The following GPRIN1 variants were observed in gnomAD, a reference collection of about 807,000 sequenced individuals.
GPRIN1 encodes the protein G protein regulated inducer of neurite outgrowth 1.
In GPRIN1, 4 loss-of-function variants were observed where a neutral mutation model predicts 2.8. That is an observed-to-expected ratio of 1.45 (90% confidence interval 0.71 to 3.32). The LOEUF (loss-of-function observed/expected upper bound fraction) is 3.32. GPRIN1 is among the 30% of genes most tolerant of loss of function. The probability of loss-of-function intolerance (pLI) is 0.01; values close to 1 mark genes in which losing one functional copy is unlikely to be tolerated. For missense variants in GPRIN1, 1,322 were observed against 1,343.4 expected, an observed-to-expected ratio of 0.98 and a Z score of 0.25; for synonymous variants, 589 against 589.9, an observed-to-expected ratio of 1.00 and a Z score of 0.02.
In GPRIN1 at chr5:176,598,264, G is replaced by A. The variant is rs765465765; in HGVS notation, c.1571C>T (p.Ser524Leu). 2 of 1,613,154 alleles carry A rather than the reference G, an allele frequency of 1.2e-6. No individual in the cohort carries two copies. Among genetic ancestry groups the A allele is most frequent in the Non-Finnish European group, 1.7e-6 (2 of 1,179,798 alleles). The change falls in exon 2 of 2, where the codon TCG becomes TTG. Residue 524 changes from serine to leucine, a missense_variant. Ser to Leu is a moderately radical substitution (Grantham distance 145). Around this residue, in one of 3 missense-constraint regions of GPRIN1, gnomAD observed 1,117 missense variants for 1,128.6 expected, o/e 0.99. Transcript: ENST00000303991. ...AGAGGCCACCAGACCTGCCTTCTCC[G>A]AGGACAGGGGATCTCCTTTTCCCCC... Reference protein sequence around the residue: ...ATGGKGDPLSSEKAGLVASGK... With the variant: ...ATGGKGDPLSLEKAGLVASGK...
At position 176,597,228 on chromosome 5, in the gene GPRIN1, G is replaced by A. The variant is rs1466021566; in HGVS notation, c.2607C>T (p.Arg869=). 4 of 1,257,668 alleles carry A rather than the reference G, an allele frequency of 3.2e-6. No homozygotes were observed. Among genetic ancestry groups the A allele is most frequent in the Non-Finnish European group, 4.0e-6 (4 of 1,002,606 alleles). The allele number at this position is 1,257,668 out of a possible 1,614,324, so 77.9% of individuals were successfully genotyped here. A position where few individuals can be genotyped will look rare whatever the true frequency, so the allele number is the denominator to read the frequency against. The change falls in exon 2 of 2, where the codon CGC becomes CGT. Residue 869 remains arginine, a synonymous_variant. Transcript: ENST00000303991. This position sits in a 1 kb window ranked among gnomAD's most constrained non-coding sequence, Gnocchi z 6.1. ...LQVSLGAAET[R]SVATGPMTPQ... is the part of the protein sequence containing the mutation. ...GTGTCATGGGCCCAGTGGCCACGGA[G>A]CGCGTCTCGGCGGCGCCCAGCGACA...
Position 176,596,943 on chromosome 5 carries a change from G to A in GPRIN1, c.2892C>T (p.Gly964=), listed in dbSNP as rs1207184253. 2.4e-6 allele frequency: 3 copies of A among 1,252,098 alleles called. No homozygotes were observed. Among genetic ancestry groups the A allele is most frequent in the African/African-American group, 1.6e-5 (1 of 64,246 alleles). 77.6% of individuals were successfully genotyped at this position (1,252,098 alleles called of 1,614,324 possible). A position where few individuals can be genotyped will look rare whatever the true frequency, so the allele number is the denominator to read the frequency against. Residue 964 remains glycine, a synonymous_variant, in exon 2 of 2, where the codon GGC becomes GGT. Transcript: ENST00000303991. This position sits in a 1 kb window ranked among gnomAD's most constrained non-coding sequence, Gnocchi z 5.2. ...TGCGCACCGAGCCCGAACGGCCGGGGCCGGCACGGGCGGCGGGCGGCGGCG... is the reference window on the plus strand; with the variant it reads ...TGCGCACCGAGCCCGAACGGCCGGGACCGGCACGGGCGGCGGGCGGCGGCG... ...APAPPPAARA[G]PGRSGSVRTA...
chr5:176,602,772 C>T lies in GPRIN1; in HGVS notation c.-43-2895G>A, dbSNP rs535307642. ...AAGACGGGGAGGCAGGTTCTGTGAA[C>T]TGTGGGACAACCACGCAGAGCACCG... On this transcript the variant is annotated intron_variant, in intron 1 of 1. Coordinates refer to ENST00000303991, the MANE Select transcript of GPRIN1 (RefSeq NM_052899.3). This position sits in a 1 kb window ranked among gnomAD's most constrained non-coding sequence, Gnocchi z 4.4. Among the ~76,000 whole-genome samples the T allele has an allele frequency of 4.6e-5, 7 of 152,218 alleles. No homozygotes were observed. The highest frequency in any genetic ancestry group is 1.4e-4 in the African/African-American group (6 of 41,526).
chr5:176,598,205 C>T lies in GPRIN1; in HGVS notation c.1630G>A (p.Glu544Lys), dbSNP rs528434134. 14 of 1,612,572 alleles carry T rather than the reference C, an allele frequency of 8.7e-6. No individual in the cohort carries two copies. Among genetic ancestry groups the T allele is most frequent in the Admixed American group, 3.3e-5 (2 of 60,016 alleles). ...KAAPTASGKA[E>K]PLAVGKEDPV... ...TCCTCCTTGCCCACCGCGAGGGGCT[C>T]GGCCTTCCCTGAGGCTGTGGGAGCC... The change falls in exon 2 of 2, where the codon GAG becomes AAG. Residue 544 changes from glutamate to lysine, a missense_variant. Around this residue, in one of 3 missense-constraint regions of GPRIN1, gnomAD observed 1,117 missense variants for 1,128.6 expected, o/e 0.99. Coordinates refer to ENST00000303991, the MANE Select transcript of GPRIN1 (RefSeq NM_052899.3).
Position 176,597,068 on chromosome 5 carries a change from C to T in GPRIN1, c.2767G>A (p.Glu923Lys). The stretch of plus-strand genomic sequence containing the variant: ...ACCTCCATGGCGGCGCCGTATACCT[C>T]CCACGTCATGCCCTTCTCGTCCCAG... ...VSWDEKGMTW[E>K]VYGAAMEVEV... Residue 923 changes from glutamate (E) to lysine (K), a missense_variant, in exon 2 of 2, where the codon GAG becomes AAG. This residue lies in a region of GPRIN1 where 196 missense variants were observed against 189.2 expected (regional missense o/e 1.04). Transcript: ENST00000303991. The surrounding 1 kb of genome is among the most constrained non-coding windows in gnomAD (Gnocchi z 6.1). The T allele has an allele frequency of 6.6e-7, 1 of 1,512,322 alleles. No individual in the cohort carries two copies. The highest frequency in any genetic ancestry group is 8.9e-7 in the Non-Finnish European group (1 of 1,128,542). 93.7% of individuals were successfully genotyped at this position (1,512,322 alleles called of 1,614,324 possible). A position where few individuals can be genotyped will look rare whatever the true frequency, so the allele number is the denominator to read the frequency against.
chr5:176,606,609 C>A (rs1421289840), intron 1 of GPRIN1, among the ~76,000 whole-genome samples: 1 of 152,196 alleles, frequency 6.6e-6, no homozygotes, highest in Non-Finnish European at 1.5e-5. Flanking sequence ...ACAATCCCCC[C>A]TCTTCCCCAC....
At chr5:176,608,105 G>C (rs1474033990) in intron 1 of GPRIN1, among the ~76,000 whole-genome samples, 2 of 151,734 alleles carry the variant, frequency 1.3e-5, no homozygotes, top group Non-Finnish European at 2.9e-5. Context: ...TTTTTGTAGA[G>C]ATGGGGGTCT....
chr5:176,609,898 G>T, intron 1 of GPRIN1, 101 bp downstream of exon 1: 1 of 151,336 alleles, frequency 6.6e-6, no homozygotes, highest in Non-Finnish European at 1.5e-5. Context: ...CCGCCGGGGG[G>T]CTTCGAGGAC....
chr5:176,599,875 G>A lies in GPRIN1; in HGVS notation c.-41C>T. The A allele has an allele frequency of 7.3e-7, 1 of 1,376,110 alleles. No individual in the cohort carries two copies. Among genetic ancestry groups the A allele is most frequent in the Non-Finnish European group, 9.4e-7 (1 of 1,059,014 alleles). The allele number at this position is 1,376,110 out of a possible 1,614,324, so 85.2% of individuals were successfully genotyped here. A position where few individuals can be genotyped will look rare whatever the true frequency, so the allele number is the denominator to read the frequency against. ...CGCCTGCACCCAAGGCTGCTGTCTG[G>A]TTCTGAAACAGAGAGAGAGCTGACT... On this transcript the variant is annotated splice_region_variant and 5_prime_UTR_variant, in exon 2 of 2. Coordinates refer to ENST00000303991, the MANE Select transcript of GPRIN1 (RefSeq NM_052899.3).
chr5:176,596,751 TG>T lies in GPRIN1; in HGVS notation c.*56del. ...AGAGGGGACCCCTTCTAGGGGCCTGTGATCAAGAAGGGAGCCTGAGAAGGTC... is the reference window on the plus strand; with the variant it reads ...AGAGGGGACCCCTTCTAGGGGCCTGTATCAAGAAGGGAGCCTGAGAAGGTC... On this transcript the variant is annotated 3_prime_UTR_variant, in exon 2 of 2. Coordinates refer to ENST00000303991, the MANE Select transcript of GPRIN1 (RefSeq NM_052899.3). This position sits in a 1 kb window ranked among gnomAD's most constrained non-coding sequence, Gnocchi z 5.2. The T allele has an allele frequency of 7.4e-7, 1 of 1,353,198 alleles. No homozygotes were observed. The highest frequency in any genetic ancestry group is 1.8e-5 in the South Asian group (1 of 56,376). The allele number at this position is 1,353,198 out of a possible 1,614,324, so 83.8% of individuals were successfully genotyped here.
intron 1 of GPRIN1, among the ~76,000 whole-genome samples, chr5:176,608,680 T>C (rs1478391781): frequency 6.6e-6 from 1 of 152,186 alleles, no homozygotes; most frequent in Non-Finnish European, 1.5e-5. Flanking sequence ...TATCTGGGTG[T>C]TGCACAGGTG....
At chr5:176,609,338 G>A (rs1378609458) in intron 1 of GPRIN1, among the ~76,000 whole-genome samples, 1 of 152,164 alleles carries the variant, frequency 6.6e-6, no homozygotes, top group East Asian at 1.9e-4. Flanking sequence ...GTGCGTAGCT[G>A]TGCCTGGGTG....
At position 176,597,480 on chromosome 5, in the gene GPRIN1, C is replaced by A; in HGVS notation, c.2355G>T (p.Pro785=). The part of the protein sequence containing the change: ...RSPCPEAAAP[P]PGPRTRDNFT... ...AGTTGTCGCGAGTCCGCGGCCCCGG[C>A]GGGGGCGCTGCGGCCTCTGGGCAGG... Residue 785 remains proline, a synonymous_variant, in exon 2 of 2, where the codon CCG becomes CCT. Coordinates refer to ENST00000303991, the MANE Select transcript of GPRIN1 (RefSeq NM_052899.3). This position sits in a 1 kb window ranked among gnomAD's most constrained non-coding sequence, Gnocchi z 6.1. 2 of 1,339,068 alleles carry A rather than the reference C, an allele frequency of 1.5e-6. No homozygotes were observed. Among genetic ancestry groups the A allele is most frequent in the South Asian group, 1.9e-5 (1 of 51,968 alleles). The allele number at this position is 1,339,068 out of a possible 1,614,324, so 82.9% of individuals were successfully genotyped here. A position where few individuals can be genotyped will look rare whatever the true frequency, so the allele number is the denominator to read the frequency against.
Position 176,598,683 on chromosome 5 carries a change from C to G in GPRIN1, c.1152G>C (p.Glu384Asp), listed in dbSNP as rs981054211. 6.2e-7 allele frequency: 1 copy of G among 1,614,158 alleles called. No individual in the cohort carries two copies. Among genetic ancestry groups the G allele is most frequent in the Non-Finnish European group, 8.5e-7 (1 of 1,180,038 alleles). Reference sequence around the variant, plus strand: ...CCGTGTGGCCAGACACAGGACGCCCCTCTCCTGAGGAGGCAGGGTCCATCT... The same window carrying G: ...CCGTGTGGCCAGACACAGGACGCCCGTCTCCTGAGGAGGCAGGGTCCATCT... The part of the protein sequence containing the change: ...LGKMDPASSG[E>D]GRPVSGHTDT... Residue 384 changes from glutamate (E) to aspartate (D), a missense_variant, in exon 2 of 2, where the codon GAG becomes GAC. Physicochemically the swap from Glu to Asp is conservative, Grantham distance 45. Around this residue, in one of 3 missense-constraint regions of GPRIN1, gnomAD observed 1,117 missense variants for 1,128.6 expected, o/e 0.99. Transcript: ENST00000303991.
chr5:176,608,920 TCA>T (rs1759266626), intron 1 of GPRIN1, among the ~76,000 whole-genome samples: 1 of 152,234 alleles, frequency 6.6e-6, no homozygotes, highest in African/African-American at 2.4e-5. Flanking sequence ...TCTGAGAATC[TCA>T]GTCTGCTGCC....
chr5:176,609,725 C>T (rs535425581), intron 1 of GPRIN1, among the ~76,000 whole-genome samples: 178 of 152,038 alleles, frequency 1.2e-3, no homozygotes, highest in African/African-American at 4.2e-3. Flanking sequence ...CCAGGTCAGC[C>T]TGGCCCGCCG....
intron 1 of GPRIN1, among the ~76,000 whole-genome samples, chr5:176,608,772 C>T (rs1362089854): frequency 2.0e-5 from 3 of 152,154 alleles, no homozygotes; most frequent in Non-Finnish European, 4.4e-5. Flanking sequence ...CATTCCTTTC[C>T]CTCTAGGATT....
At position 176,597,877 on chromosome 5, in the gene GPRIN1, T is replaced by A. The variant is rs189325468; in HGVS notation, c.1958A>T (p.Glu653Val). 46 of 1,613,738 alleles carry A rather than the reference T, an allele frequency of 2.9e-5. No homozygotes were observed. Among genetic ancestry groups the A allele is most frequent in the Non-Finnish European group, 3.6e-5 (43 of 1,179,938 alleles). The change falls in exon 2 of 2, where the codon GAA becomes GTA. Residue 653 changes from glutamate (E) to valine (V), a missense_variant. By Grantham distance (121) the Glu-to-Val change is moderately radical (BLOSUM62 -2). Coordinates refer to ENST00000303991, the MANE Select transcript of GPRIN1 (RefSeq NM_052899.3). This position sits in a 1 kb window ranked among gnomAD's most constrained non-coding sequence, Gnocchi z 6.1. ...CTTTTTCAAACACACAGCCCCTGCT[T>A]CCCCTGGTGCTGCAGCGCCCTCTTG... ...PGQEGAAAPGEAGAVCLKKET... is the reference protein window; with the variant it reads ...PGQEGAAAPGVAGAVCLKKET...
chr5:176,601,661 C>T (rs1025779116), intron 1 of GPRIN1, among the ~76,000 whole-genome samples: 6 of 152,106 alleles, frequency 3.9e-5, no homozygotes, highest in Admixed American at 2.6e-4. Flanking sequence ...AACCCCGTTC[C>T]GTTACACACT....
Sources: allele counts gnomAD v4.1 joint callset (sites outside exome capture counted in the v4.1 genomes callset), GRCh38; gene constraint gnomAD v4.1.1; regional missense constraint gnomAD v4.1.1; non-coding constraint Gnocchi (gnomAD v3.1); transcripts MANE v1.5; gene names NCBI Gene and HGNC (gene_info 2026-07-23, HGNC 2026-07-21).